Variants in KIF21A observed in about 807,000 individuals in gnomAD.
The protein encoded by KIF21A is kinesin family member 21A, also known as kinesin-like protein KIF21A.
Under a neutral mutation model 202.9 loss-of-function variants are expected in KIF21A, and 114 were observed. The ratio of observed to expected loss-of-function variants is 0.56; its 90% confidence interval spans 0.48 to 0.66. KIF21A has a LOEUF of 0.66. Among genes scored for constraint, KIF21A ranks in the 30% least tolerant of loss-of-function variants. The probability of loss-of-function intolerance (pLI) is 0.00; values close to 1 mark genes in which losing one functional copy is unlikely to be tolerated. For missense variants in KIF21A, 1,677 were observed against 1,994.9 expected (o/e 0.84, Z 3.04); for synonymous variants, 667 against 670.8 (o/e 0.99, Z 0.09).
intron 3 of KIF21A, among the ~76,000 whole-genome samples, chr12:39,369,097 G>T (rs1949787680): frequency 6.6e-6 from 1 of 151,982 alleles, no homozygotes; most frequent in Admixed American, 6.6e-5. Flanking sequence ...CCCTACTTTT[G>T]GCCTTAGTCA....
chr12:39,385,341 A>G, intron 1 of KIF21A, among the ~76,000 whole-genome samples: 1 of 152,146 alleles, frequency 6.6e-6, no homozygotes, highest in South Asian at 2.1e-4. Context: ...AATATCAGAT[A>G]TCTTTTAATT....
intron 1 of KIF21A, among the ~76,000 whole-genome samples, chr12:39,436,448 A>ATTTTT (rs1160949360): frequency 1.8e-4 from 17 of 95,750 alleles, no homozygotes; most frequent in South Asian, 1.2e-3. Flanking sequence ...ATATATATAT[A>ATTTTT]TTTTTTTTTT....
intron 35 of KIF21A, among the ~76,000 whole-genome samples, chr12:39,303,748 TCTGC>T (rs1943188486): frequency 1.3e-5 from 2 of 152,184 alleles, no homozygotes; most frequent in Non-Finnish European, 2.9e-5. Context: ...ATTAGGTAAC[TCTGC>T]AGTCCCGGAG....
intron 14 of KIF21A, 83 bp from the exon 15 acceptor site, chr12:39,341,177 A>G (rs1411059814): frequency 9.2e-7 from 1 of 1,087,416 alleles, no homozygotes; most frequent in East Asian, 2.6e-5. Flanking sequence ...CATAAAAACC[A>G]TCAACTAGGT....
chr12:39,418,491 T>C (rs543614853), intron 1 of KIF21A, among the ~76,000 whole-genome samples: 1 of 152,328 alleles, frequency 6.6e-6, no homozygotes, highest in Admixed American at 6.5e-5. Flanking sequence ...TTATCTGTTG[T>C]TCCTAATATC....
At chr12:39,409,923 C>G (rs1038704496) in intron 1 of KIF21A, among the ~76,000 whole-genome samples, 1 of 151,848 alleles carries the variant, frequency 6.6e-6, no homozygotes, top group Admixed American at 6.6e-5. Context: ...CCTTCGCCTT[C>G]CAGGTTCAAG....
At chr12:39,298,292 C>A (rs1004907548) in intron 37 of KIF21A, among the ~76,000 whole-genome samples, 3 of 152,120 alleles carry the variant, frequency 2.0e-5, no homozygotes, top group East Asian at 1.9e-4. Flanking sequence ...GAGGAGAGAT[C>A]TATGCAGAGA....
intron 1 of KIF21A, among the ~76,000 whole-genome samples, chr12:39,407,727 T>G (rs570730430): frequency 6.6e-6 from 1 of 152,100 alleles, no homozygotes; most frequent in African/African-American, 2.4e-5. Context: ...TAACAAATAT[T>G]CCCCTACTCA....
chr12:39,353,709 A>T (rs1948568722), intron 10 of KIF21A, among the ~76,000 whole-genome samples: 1 of 152,116 alleles, frequency 6.6e-6, no homozygotes, highest in African/African-American at 2.4e-5. Flanking sequence ...TTTTTTACAT[A>T]ATGTTAAAAG....
chr12:39,431,277 C>A (rs1194417362), intron 1 of KIF21A, among the ~76,000 whole-genome samples: 1 of 152,140 alleles, frequency 6.6e-6, no homozygotes, highest in East Asian at 1.9e-4. Flanking sequence ...TTGAAGGAGA[C>A]CCCAGTTGGG....
In KIF21A at chr12:39,416,715, G is replaced by GTATATATATGTACATATATGTGTGTA. The variant is rs35740569; in HGVS notation, c.44+26211_44+26212insTACACACATATATGTACATATATATA. 3.1e-3 allele frequency among the ~76,000 whole-genome samples: 234 copies of GTATATATATGTACATATATGTGTGTA among 74,328 alleles called. 2 individuals carry two copies. Among genetic ancestry groups the GTATATATATGTACATATATGTGTGTA allele is most frequent in the Middle Eastern group, 0.019 (3 of 154 alleles). The allele number at this position is 74,328 out of a possible 152,430, so 48.8% of individuals were successfully genotyped here. ...TATATATATGTACATATATATGTGT[G>GTATATATATGTACATATATGTGTGTA]TATATATGTACATATATATGTGTAT... On this transcript the variant is annotated intron_variant, in intron 1 of 37. Coordinates refer to ENST00000361418, the MANE Select transcript of KIF21A (RefSeq NM_001173464.2).
chr12:39,351,999 T>A lies in KIF21A; in HGVS notation c.1470-19A>T, dbSNP rs201400352. On this transcript the variant is annotated intron_variant, in intron 10 of 37. Coordinates refer to ENST00000361418, the MANE Select transcript of KIF21A (RefSeq NM_001173464.2). ...TTTTGCCCTAGCAAATAAAAATATA[T>A]TTAAATAGGGAGCATTTTTCTCTGT... is the stretch of plus-strand genomic sequence containing the variant. The A allele has an allele frequency of 1.2e-4, 194 of 1,554,044 alleles. No homozygotes were observed. The African/African-American group carries it at 1.7e-3, about 14-fold the overall frequency.
rs747728513 is a variant in KIF21A, at chr12:39,311,554, C to G, written c.3960-1G>C. 2 of 1,612,538 alleles carry G rather than the reference C, an allele frequency of 1.2e-6. No homozygotes were observed. Among genetic ancestry groups the G allele is most frequent in the Admixed American group, 3.3e-5 (2 of 59,962 alleles). ...AGCAGGAAATGGGTTGATTATGCCC[C>G]TAAGGTGGGGAAAAAACAAACAAAC... On this transcript the variant is annotated splice_acceptor_variant, in intron 31 of 37. Transcript: ENST00000361418. LOFTEE classifies it high-confidence loss of function.
chr12:39,304,942 TA>T lies in KIF21A; in HGVS notation c.4443-5del. 7.1e-7 allele frequency: 1 copy of T among 1,398,710 alleles called. No homozygotes were observed. The highest frequency in any genetic ancestry group is 1.0e-6 in the Non-Finnish European group (1 of 987,138). The allele number at this position is 1,398,710 out of a possible 1,614,324, so 86.6% of individuals were successfully genotyped here. On this transcript the variant is annotated splice_region_variant and splice_polypyrimidine_tract_variant and intron_variant, in intron 34 of 37. Coordinates refer to ENST00000361418, the MANE Select transcript of KIF21A (RefSeq NM_001173464.2). ...TAACTTTCCTGTAGACTGAAACCTT[TA>T]AAAATAAAGAAAAATAGTTTTGTTT...
intron 7 of KIF21A, among the ~76,000 whole-genome samples, chr12:39,362,075 C>A (rs1949281521): frequency 6.6e-6 from 1 of 152,112 alleles, no homozygotes; most frequent in African/African-American, 2.4e-5. Context: ...TCCTCTCCTT[C>A]CTCCTGCTCC....
intron 10 of KIF21A, among the ~76,000 whole-genome samples, chr12:39,354,313 G>T (rs575138449): frequency 6.6e-6 from 1 of 151,986 alleles, no homozygotes; most frequent in Non-Finnish European, 1.5e-5. Flanking sequence ...ATATATTACC[G>T]CTTTTCAAAG....
chr12:39,370,168 A>G lies in KIF21A; in HGVS notation c.138T>C (p.Asp46=), dbSNP rs772870307. 1.9e-6 allele frequency: 3 copies of G among 1,613,598 alleles called. No individual in the cohort carries two copies. In the East Asian group the frequency reaches 6.7e-5, roughly 36 times the overall value. ...ATACATAGTCAAAAGTAAAAGCCTT[A>G]TCTTTCCCTAGGAAGACCTGAGGCT... ...PGEPQVFLGK[D]KAFTFDYVFD... Residue 46 remains aspartate (D), a synonymous_variant, in exon 2 of 38, where the codon GAT becomes GAC. Transcript: ENST00000361418.
At chr12:39,358,460 A>T (rs1592319762) in intron 7 of KIF21A, 87 bp from the exon 8 acceptor site, 2 of 1,225,336 alleles carry the variant, frequency 1.6e-6, no homozygotes, top group African/African-American at 3.0e-5. Flanking sequence ...ACATTTGAAT[A>T]GTATCTTCTC....
chr12:39,416,371 G>A (rs910509804), intron 1 of KIF21A, among the ~76,000 whole-genome samples: 3 of 151,852 alleles, frequency 2.0e-5, no homozygotes, highest in Non-Finnish European at 2.9e-5. Context: ...CGAGAAGGGC[G>A]GATCACCTGA....
Sources: allele counts gnomAD v4.1 joint callset (sites outside exome capture counted in the v4.1 genomes callset), GRCh38; gene constraint gnomAD v4.1.1; transcripts MANE v1.5; gene names NCBI Gene and HGNC (gene_info 2026-07-23, HGNC 2026-07-21).